PNPLA7: variants seen among roughly 807,000 people sequenced by gnomAD.
PNPLA7 encodes the protein patatin like domain 7, lysophospholipase.
A neutral mutation model predicts 161.7 loss-of-function variants in PNPLA7; 153 were observed. The observed-to-expected ratio is 0.95, with a 90% CI of 0.83 to 1.08. PNPLA7 has a LOEUF of 1.08. PNPLA7 is among the 50% of genes least tolerant of loss of function. PNPLA7 has a pLI of 0.00. For synonymous variants in PNPLA7, 809 were observed against 782.1 expected, an observed-to-expected ratio of 1.03 and a Z score of -0.57; for missense variants, 1,739 against 1,856.6, an observed-to-expected ratio of 0.94 and a Z score of 1.16.
At chr9:137,507,545 T>G (rs1833988353) in intron 12 of PNPLA7, among the ~76,000 whole-genome samples, 1 of 152,182 alleles carries the variant, frequency 6.6e-6, no homozygotes, top group East Asian at 1.9e-4. Context: ...GGCACATGCC[T>G]GTTACCCCAG....
At chr9:137,503,460 G>T (rs1234236911) in intron 14 of PNPLA7, among the ~76,000 whole-genome samples, 1 of 122,382 alleles carries the variant, frequency 8.2e-6, no homozygotes, top group Non-Finnish European at 1.7e-5. Flanking sequence ...GAAGGAGGAG[G>T]GGGAAGGAGA....
intron 21 of PNPLA7, among the ~76,000 whole-genome samples, chr9:137,482,702 G>A (rs1029119483): frequency 2.0e-5 from 3 of 152,368 alleles, no homozygotes; most frequent in South Asian, 2.1e-4. Flanking sequence ...GCACGGACGG[G>A]CTGCTGGGGC....
In PNPLA7 at chr9:137,543,894, C is replaced by CCTG; in HGVS notation, c.274-80_274-79insCAG. 1 of 1,238,140 alleles carries CCTG rather than the reference C, an allele frequency of 8.1e-7. No homozygotes were observed. Among genetic ancestry groups the CCTG allele is most frequent in the Non-Finnish European group, 1.2e-6 (1 of 845,424 alleles). 76.7% of individuals were successfully genotyped at this position (1,238,140 alleles called of 1,614,324 possible). ...GCTCTTTGCCATGGGGATCAGTCCT[C>CCTG]AGGACCTGCCTGTGGGCCTCCCACA... On this transcript the variant is annotated intron_variant, in intron 4 of 34. Transcript: ENST00000406427. The surrounding 1 kb of genome is among the most constrained non-coding windows in gnomAD (Gnocchi z 6.9).
chr9:137,522,288 A>C (rs957475587), intron 9 of PNPLA7, among the ~76,000 whole-genome samples: 27 of 149,842 alleles, frequency 1.8e-4, no homozygotes, highest in Non-Finnish European at 3.1e-4. Flanking sequence ...GTGAGCCAGG[A>C]TGGTCTCGAT....
At chr9:137,538,449 C>G (rs1836009835) in intron 8 of PNPLA7, among the ~76,000 whole-genome samples, 1 of 152,204 alleles carries the variant, frequency 6.6e-6, no homozygotes. Flanking sequence ...TCAGAGGACA[C>G]CACCCAGGCT....
Position 137,497,239 on chromosome 9 carries a change from T to C in PNPLA7, c.1961A>G (p.Asp654Gly), listed in dbSNP as rs568985589. The change falls in exon 18 of 35, where the codon GAT becomes GGT. Residue 654 changes from aspartate to glycine, a missense_variant. Coordinates refer to ENST00000406427, the MANE Select transcript of PNPLA7 (RefSeq NM_001098537.3). ...GRLRSVIRKD[D>G]GKKRLAGEYG... ...CTCCCCGGCCAGGCGCTTCTTCCCA[T>C]CATCCTTCCGGATCACAGAGCGCAG... 2 of 1,592,554 alleles carry C rather than the reference T, an allele frequency of 1.3e-6. No homozygotes were observed. The highest frequency in any genetic ancestry group is 2.7e-5 in the African/African-American group (2 of 74,140).
chr9:137,499,572 C>T lies in PNPLA7; in HGVS notation c.1757+1119G>A, dbSNP rs1021083516. Among the ~76,000 whole-genome samples the T allele has an allele frequency of 2.0e-5, 3 of 152,196 alleles. No individual in the cohort carries two copies. Among genetic ancestry groups the T allele is most frequent in the African/African-American group, 7.2e-5 (3 of 41,446 alleles). On this transcript the variant is annotated intron_variant, in intron 16 of 34. Coordinates refer to ENST00000406427, the MANE Select transcript of PNPLA7 (RefSeq NM_001098537.3). This position sits in a 1 kb window ranked among gnomAD's most constrained non-coding sequence, Gnocchi z 5.5. ...CCGGGACTTGGAGCCTCAGTCTCCC[C>T]ATCAGCACGCTGCGGTGTCAGGGCA...
chr9:137,508,294 G>A (rs1008798228), intron 12 of PNPLA7, among the ~76,000 whole-genome samples: 4 of 152,288 alleles, frequency 2.6e-5, no homozygotes, highest in South Asian at 4.1e-4. Flanking sequence ...TCAGCCGGGC[G>A]CGGCAGCTCA....
chr9:137,479,411 G>A lies in PNPLA7; in HGVS notation c.2581-173C>T, dbSNP rs1832098368. On this transcript the variant is annotated intron_variant, in intron 23 of 34. Coordinates refer to ENST00000406427, the MANE Select transcript of PNPLA7 (RefSeq NM_001098537.3). ...GCCTTGGCGCTGCCGAAGCTCTGAC[G>A]GCAGGGGTCCATCCGTCCACTGTGT... 6.9e-6 allele frequency: 9 copies of A among 1,306,248 alleles called. No individual in the cohort carries two copies. In the South Asian group the frequency reaches 1.5e-4, roughly 22 times the overall value. The allele number at this position is 1,306,248 out of a possible 1,614,324, so 80.9% of individuals were successfully genotyped here.
chr9:137,462,092 C>A (rs1475024757), intron 31 of PNPLA7, 51 bp from the exon 32 acceptor site: 2 of 1,522,030 alleles, frequency 1.3e-6, no homozygotes, highest in Non-Finnish European at 1.8e-6. Context: ...CCCCCCACTT[C>A]CTGTGTTCTC....
rs542171928 is a variant in PNPLA7, at chr9:137,537,952, C to T, written c.747+2690G>A. 1.3e-5 allele frequency among the ~76,000 whole-genome samples: 2 copies of T among 152,346 alleles called. No homozygotes were observed. Among genetic ancestry groups the T allele is most frequent in the East Asian group, 1.9e-4 (1 of 5,190 alleles). ...CCCGTGCTGAACGGGTTTACGTCCA[C>T]GTAGACCAAAGCTCCTGTGGTCCTT... On this transcript the variant is annotated intron_variant, in intron 8 of 34. Coordinates refer to ENST00000406427, the MANE Select transcript of PNPLA7 (RefSeq NM_001098537.3). The surrounding 1 kb of genome is among the most constrained non-coding windows in gnomAD (Gnocchi z 4.5).
intron 4 of PNPLA7, among the ~76,000 whole-genome samples, chr9:137,545,719 A>T (rs929350332): frequency 6.6e-6 from 1 of 152,240 alleles, no homozygotes; most frequent in Non-Finnish European, 1.5e-5. Context: ...ACCAGGCCAT[A>T]CAGAGATAGG....
intron 28 of PNPLA7, 73 bp downstream of exon 28, chr9:137,464,053 C>T: frequency 1.3e-6 from 2 of 1,526,988 alleles, no homozygotes; most frequent in Non-Finnish European, 1.8e-6. Context: ...TTCCCAACCC[C>T]TGGGGCTGCT....
At chr9:137,491,153 G>A (rs1365953443) in intron 20 of PNPLA7, among the ~76,000 whole-genome samples, 2 of 152,184 alleles carry the variant, frequency 1.3e-5, no homozygotes, top group African/African-American at 4.8e-5. Context: ...CAGCTACTCA[G>A]GAGGCTGAGG....
Position 137,499,800 on chromosome 9 carries a change from T to G in PNPLA7, c.1757+891A>C, listed in dbSNP as rs1418527957. ...GAGCCGCTGCACCCAGCCGACCTGT[T>G]TTCTTCAGCTGCTGTGCTTCCACTG... On this transcript the variant is annotated intron_variant, in intron 16 of 34. Coordinates refer to ENST00000406427, the MANE Select transcript of PNPLA7 (RefSeq NM_001098537.3). This position sits in a 1 kb window ranked among gnomAD's most constrained non-coding sequence, Gnocchi z 5.5. Among the ~76,000 whole-genome samples, 1 of 152,224 alleles carries G rather than the reference T, an allele frequency of 6.6e-6. No homozygotes were observed. The highest frequency in any genetic ancestry group is 6.5e-5 in the Admixed American group (1 of 15,286).
At chr9:137,529,313 CT>C (rs1366553196) in intron 8 of PNPLA7, among the ~76,000 whole-genome samples, 4 of 152,086 alleles carry the variant, frequency 2.6e-5, no homozygotes, top group Admixed American at 2.6e-4. Flanking sequence ...TGTTTTCCAT[CT>C]AAGTATTGAT....
rs1017981517 is a variant in PNPLA7 at position 137,515,581 on chromosome 9, C to A, written c.1085-62G>T. The A allele has an allele frequency of 4.8e-6, 7 of 1,460,208 alleles. No homozygotes were observed. In the African/African-American group the frequency reaches 9.9e-5, roughly 21 times the overall value. 90.5% of individuals were successfully genotyped at this position (1,460,208 alleles called of 1,614,324 possible). On this transcript the variant is annotated intron_variant, in intron 11 of 34. Transcript: ENST00000406427. ...CGCACTCCCTGGTGTCTGGTGCAGC[C>A]CATTCGGGGCCACGCAGGGAGCAGG...
chr9:137,473,047 C>T (rs1450747319), intron 25 of PNPLA7, among the ~76,000 whole-genome samples: 2 of 152,150 alleles, frequency 1.3e-5, no homozygotes, highest in African/African-American at 2.4e-5. Flanking sequence ...GGAGCAGAGG[C>T]ACATCTTACA....
In PNPLA7 at chr9:137,540,862, T is replaced by TGGAGGGCAGGGGACAA; in HGVS notation, c.667-156_667-141dup. On this transcript the variant is annotated intron_variant, in intron 7 of 34. Transcript: ENST00000406427. This position sits in a 1 kb window ranked among gnomAD's most constrained non-coding sequence, Gnocchi z 5.1. ...CCATGAGAGCAGCAGGCACCTTGGA[T>TGGAGGGCAGGGGACAA]GGAGGGCAGGGGACAAGATGGACCT... is the stretch of plus-strand genomic sequence containing the variant. 1.4e-6 allele frequency: 1 copy of TGGAGGGCAGGGGACAA among 705,506 alleles called. No individual in the cohort carries two copies. Among genetic ancestry groups the TGGAGGGCAGGGGACAA allele is most frequent in the East Asian group, 2.8e-5 (1 of 35,560 alleles). The allele number at this position is 705,506 out of a possible 1,614,324, so 43.7% of individuals were successfully genotyped here.
Sources: gnomAD v4.1 joint callset for allele counts (sites outside exome capture counted in the v4.1 genomes callset) on GRCh38, gnomAD v4.1.1 for gene constraint, Gnocchi (gnomAD v3.1) non-coding constraint, MANE v1.5 for transcripts, NCBI Gene and HGNC (gene_info 2026-07-23, HGNC 2026-07-21) for gene names.